The following LHX5 variants were observed in gnomAD, a reference collection of about 807,000 sequenced individuals.
LHX5 encodes the protein LIM homeobox 5.
Under a neutral mutation model 30.6 loss-of-function variants are expected in LHX5, and 5 were observed. That is an observed-to-expected ratio of 0.16 (90% CI 0.09 to 0.34). The LOEUF (loss-of-function observed/expected upper bound fraction) is 0.34, where lower values mean the gene tolerates loss of function less well. Among genes scored for constraint, LHX5 ranks in the 10% least tolerant of loss-of-function variants. The pLI is 1.00. For missense variants in LHX5, 458 were observed against 570.6 expected (o/e 0.80, Z 2.01); for synonymous variants, 266 against 252.6 (o/e 1.05, Z -0.50).
At position 113,463,636 on chromosome 12, in the gene LHX5, G is replaced by A. The variant is rs1391976868; in HGVS notation, c.842-79C>T. 7.1e-6 allele frequency: 10 copies of A among 1,410,518 alleles called. No homozygotes were observed. Among genetic ancestry groups the A allele is most frequent in the African/African-American group, 5.9e-5 (4 of 67,852 alleles). 87.4% of individuals were successfully genotyped at this position (1,410,518 alleles called of 1,614,324 possible). On this transcript the variant is annotated intron_variant, in intron 4 of 4. Coordinates refer to ENST00000261731, the MANE Select transcript of LHX5 (RefSeq NM_022363.3). The surrounding 1 kb of genome is among the most constrained non-coding windows in gnomAD (Gnocchi z 6.7). The stretch of plus-strand genomic sequence containing the variant: ...GCGGGGGACCCGGGACCCGGGGAGG[G>A]GACCCGGGCGGGCGAGAGAGGGGAG...
chr12:113,462,340 G>A lies in LHX5; in HGVS notation c.*850C>T, dbSNP rs1958178518. On this transcript the variant is annotated 3_prime_UTR_variant, in exon 5 of 5. Transcript: ENST00000261731. ...GCCCAGCCTCCAGGCCCTGGGCAGG[G>A]AGGGTGGTCTGTGGGTCTGAGCCCA... 1 of 152,250 alleles carries A rather than the reference G, an allele frequency of 6.6e-6. No homozygotes were observed. The highest frequency in any genetic ancestry group is 1.5e-5 in the Non-Finnish European group (1 of 68,060). The allele number at this position is 152,250 out of a possible 1,614,324, so 9.4% of individuals were successfully genotyped here.
chr12:113,462,924 A>G lies in LHX5; in HGVS notation c.*266T>C, dbSNP rs1958183741. On this transcript the variant is annotated 3_prime_UTR_variant, in exon 5 of 5. Coordinates refer to ENST00000261731, the MANE Select transcript of LHX5 (RefSeq NM_022363.3). Reference sequence around the variant, plus strand: ...AATCTCTTGACCCTCCGGAGTATTGACTTTGGTCCCAAGAAATTGCTCGCG... The same window carrying G: ...AATCTCTTGACCCTCCGGAGTATTGGCTTTGGTCCCAAGAAATTGCTCGCG... 10 of 391,910 alleles carry G rather than the reference A, an allele frequency of 2.6e-5. No individual in the cohort carries two copies. The allele number at this position is 391,910 out of a possible 1,614,324, so 24.3% of individuals were successfully genotyped here. A position where few individuals can be genotyped will look rare whatever the true frequency, so the allele number is the denominator to read the frequency against.
At position 113,469,166 on chromosome 12, in the gene LHX5, T is replaced by C; in HGVS notation, c.353A>G (p.Asp118Gly). 6.2e-7 allele frequency: 1 copy of C among 1,614,156 alleles called. No homozygotes were observed. The highest frequency in any genetic ancestry group is 8.5e-7 in the Non-Finnish European group (1 of 1,180,016). The change falls in exon 2 of 5, where the codon GAC (aspartate) becomes GGC (glycine). Residue 118 changes from aspartate (D) to glycine (G), a missense_variant. This residue lies in a region of LHX5 where 178 missense variants were observed against 238.5 expected (regional missense o/e 0.75). Coordinates refer to ENST00000261731, the MANE Select transcript of LHX5 (RefSeq NM_022363.3). ...CTTGAGGCTGGATGAGCTCAGGTAG[T>C]CGTCTTTGCACACGAACTTGTTCTC... ...IDENKFVCKD[D>G]YLSSSSLKEG...
Position 113,467,474 on chromosome 12 carries a change from C to A in LHX5, c.676-53G>T, listed in dbSNP as rs762518627. On this transcript the variant is annotated intron_variant, in intron 3 of 4. Coordinates refer to ENST00000261731, the MANE Select transcript of LHX5 (RefSeq NM_022363.3). This position sits in a 1 kb window ranked among gnomAD's most constrained non-coding sequence, Gnocchi z 6.3. The stretch of plus-strand genomic sequence containing the variant: ...CAGGATCAGGAGTGTCCTCTCCCCC[C>A]CTCTTCTCCCTTCCCTGACTGGGCT... 14 of 1,371,720 alleles carry A rather than the reference C, an allele frequency of 1.0e-5. No homozygotes were observed. The highest frequency in any genetic ancestry group is 2.0e-4 in the Middle Eastern group (1 of 5,118). 85.0% of individuals were successfully genotyped at this position (1,371,720 alleles called of 1,614,324 possible).
In LHX5 at chr12:113,465,628, C is replaced by A. The variant is rs1303562678; in HGVS notation, c.841+1628G>T. ...ATCCAGCTCCCCACCTCATCCAGCG[C>A]GCAGGGAGAGGAGGCGGTGGGATAG... is the stretch of plus-strand genomic sequence containing the variant. On this transcript the variant is annotated intron_variant, in intron 4 of 4. Transcript: ENST00000261731. The surrounding 1 kb of genome is among the most constrained non-coding windows in gnomAD (Gnocchi z 6.7). Among the ~76,000 whole-genome samples the A allele has an allele frequency of 2.0e-5, 3 of 152,192 alleles. No individual in the cohort carries two copies. Among genetic ancestry groups the A allele is most frequent in the African/African-American group, 7.2e-5 (3 of 41,440 alleles).
chr12:113,467,519 G>C lies in LHX5; in HGVS notation c.676-98C>G. 2 of 1,139,952 alleles carry C rather than the reference G, an allele frequency of 1.8e-6. No homozygotes were observed. Among genetic ancestry groups the C allele is most frequent in the Non-Finnish European group, 2.3e-6 (2 of 852,296 alleles). The allele number at this position is 1,139,952 out of a possible 1,614,324, so 70.6% of individuals were successfully genotyped here. A position where few individuals can be genotyped will look rare whatever the true frequency, so the allele number is the denominator to read the frequency against. On this transcript the variant is annotated intron_variant, in intron 3 of 4. Coordinates refer to ENST00000261731, the MANE Select transcript of LHX5 (RefSeq NM_022363.3). This position sits in a 1 kb window ranked among gnomAD's most constrained non-coding sequence, Gnocchi z 6.3. ...TGGGCTGCCCCTGCTGGGTCCTTGC[G>C]CCTCTTCCGCACCAGGACTCCCCCG...
chr12:113,466,003 G>C lies in LHX5; in HGVS notation c.841+1253C>G, dbSNP rs906761235. Among the ~76,000 whole-genome samples the C allele has an allele frequency of 6.6e-6, 1 of 152,144 alleles. No homozygotes were observed. The highest frequency in any genetic ancestry group is 6.5e-5 in the Admixed American group (1 of 15,278). The stretch of plus-strand genomic sequence containing the variant: ...TTTGCCCACAATTTCTAGGGGCCCC[G>C]GTCCGGTCTCAAGGTCTAATCCCCC... On this transcript the variant is annotated intron_variant, in intron 4 of 4. Transcript: ENST00000261731. The surrounding 1 kb of genome is among the most constrained non-coding windows in gnomAD (Gnocchi z 6.5).
chr12:113,464,480 C>A lies in LHX5; in HGVS notation c.842-923G>T, dbSNP rs1183239415. ...TGCGCCCTACCAACCCAGTCCAAGTCCTTCGCCTCGCCAAGTACGGCCGCC... is the reference window on the plus strand; with the variant it reads ...TGCGCCCTACCAACCCAGTCCAAGTACTTCGCCTCGCCAAGTACGGCCGCC... On this transcript the variant is annotated intron_variant, in intron 4 of 4. Coordinates refer to ENST00000261731, the MANE Select transcript of LHX5 (RefSeq NM_022363.3). The surrounding 1 kb of genome is among the most constrained non-coding windows in gnomAD (Gnocchi z 6.2). Among the ~76,000 whole-genome samples, 1 of 152,230 alleles carries A rather than the reference C, an allele frequency of 6.6e-6. No individual in the cohort carries two copies. Among genetic ancestry groups the A allele is most frequent in the Non-Finnish European group, 1.5e-5 (1 of 68,030 alleles).
In LHX5 at chr12:113,467,535, G is replaced by A; in HGVS notation, c.676-114C>T. 9.7e-7 allele frequency: 1 copy of A among 1,031,636 alleles called. No homozygotes were observed. 63.9% of individuals were successfully genotyped at this position (1,031,636 alleles called of 1,614,324 possible). A position where few individuals can be genotyped will look rare whatever the true frequency, so the allele number is the denominator to read the frequency against. On this transcript the variant is annotated intron_variant, in intron 3 of 4. Transcript: ENST00000261731. This position sits in a 1 kb window ranked among gnomAD's most constrained non-coding sequence, Gnocchi z 6.3. ...GGTCCTTGCGCCTCTTCCGCACCAG[G>A]ACTCCCCCGAGGCGGGGCCGGGCCG... is the stretch of plus-strand genomic sequence containing the variant.
chr12:113,465,281 A>C lies in LHX5; in HGVS notation c.842-1724T>G, dbSNP rs895487863. Among the ~76,000 whole-genome samples the C allele has an allele frequency of 1.3e-5, 2 of 152,212 alleles. No homozygotes were observed. Among genetic ancestry groups the C allele is most frequent in the Non-Finnish European group, 2.9e-5 (2 of 68,028 alleles). ...GCGGCAAATTTGGAGCCCCAAAGGGACAGGGATGGGAGACGGCCGCGGCCC... is the reference window on the plus strand; with the variant it reads ...GCGGCAAATTTGGAGCCCCAAAGGGCCAGGGATGGGAGACGGCCGCGGCCC... On this transcript the variant is annotated intron_variant, in intron 4 of 4. Transcript: ENST00000261731. The surrounding 1 kb of genome is among the most constrained non-coding windows in gnomAD (Gnocchi z 6.7).
Position 113,465,375 on chromosome 12 carries a change from G to T in LHX5, c.842-1818C>A, listed in dbSNP as rs540477692. Among the ~76,000 whole-genome samples the T allele has an allele frequency of 1.3e-5, 2 of 152,318 alleles. No individual in the cohort carries two copies. Among genetic ancestry groups the T allele is most frequent in the South Asian group, 4.1e-4 (2 of 4,830 alleles). On this transcript the variant is annotated intron_variant, in intron 4 of 4. Transcript: ENST00000261731. This position sits in a 1 kb window ranked among gnomAD's most constrained non-coding sequence, Gnocchi z 6.7. ...TGCGCGCCGCCTCCGCCCATATGGC[G>T]GCCGGGCCGGAGGTAATTGGAACAA... is the stretch of plus-strand genomic sequence containing the variant.
chr12:113,467,233 G>C lies in LHX5; in HGVS notation c.841+23C>G, dbSNP rs1306587603. On this transcript the variant is annotated intron_variant, in intron 4 of 4. Transcript: ENST00000261731. This position sits in a 1 kb window ranked among gnomAD's most constrained non-coding sequence, Gnocchi z 6.3. ...CCCGGAATAGGACAGGTGCGGAACAGCGAATCCCGGGGCGCCCCTTACCTC... is the reference window on the plus strand; with the variant it reads ...CCCGGAATAGGACAGGTGCGGAACACCGAATCCCGGGGCGCCCCTTACCTC... 2 of 1,426,118 alleles carry C rather than the reference G, an allele frequency of 1.4e-6. No individual in the cohort carries two copies. Among genetic ancestry groups the C allele is most frequent in the Non-Finnish European group, 1.9e-6 (2 of 1,078,204 alleles). The allele number at this position is 1,426,118 out of a possible 1,614,324, so 88.3% of individuals were successfully genotyped here.
At position 113,463,659 on chromosome 12, in the gene LHX5, G is replaced by T; in HGVS notation, c.842-102C>A. 7.8e-7 allele frequency: 1 copy of T among 1,283,872 alleles called. No individual in the cohort carries two copies. The highest frequency in any genetic ancestry group is 1.5e-5 in the South Asian group (1 of 65,192). The allele number at this position is 1,283,872 out of a possible 1,614,324, so 79.5% of individuals were successfully genotyped here. A position where few individuals can be genotyped will look rare whatever the true frequency, so the allele number is the denominator to read the frequency against. On this transcript the variant is annotated intron_variant, in intron 4 of 4. Coordinates refer to ENST00000261731, the MANE Select transcript of LHX5 (RefSeq NM_022363.3). The surrounding 1 kb of genome is among the most constrained non-coding windows in gnomAD (Gnocchi z 6.7). ...GGGGACCCGGGCGGGCGAGAGAGGGGAGCGCGCGACACCGACCCAAGGTTA... is the reference window on the plus strand; with the variant it reads ...GGGGACCCGGGCGGGCGAGAGAGGGTAGCGCGCGACACCGACCCAAGGTTA...
intron 3 of LHX5, 96 bp downstream of exon 3, chr12:113,468,031 G>T (rs1958225387): frequency 7.0e-7 from 1 of 1,427,324 alleles, no homozygotes; most frequent in Non-Finnish European, 9.2e-7. Context: ...AGAACCAGGC[G>T]CGCTCGTAGC....
In LHX5 at chr12:113,471,430, G is replaced by T. The variant is rs1029004690; in HGVS notation, c.69C>A (p.Arg23=). 1.2e-6 allele frequency: 2 copies of T among 1,612,988 alleles called. No individual in the cohort carries two copies. The change falls in exon 1 of 5, where the codon CGC becomes CGA. Residue 23 remains arginine (R), a synonymous_variant. Coordinates refer to ENST00000261731, the MANE Select transcript of LHX5 (RefSeq NM_022363.3). Reference sequence around the variant, plus strand: ...ACTGAACACATTTGATGTGCCACGCGCGGTCCAGCACGTTCAGCAGAAAGC... The same window carrying T: ...ACTGAACACATTTGATGTGCCACGCTCGGTCCAGCACGTTCAGCAGAAAGC... ...LDRFLLNVLD[R]AWHIKCVQCC...
At position 113,468,363 on chromosome 12, in the gene LHX5, C is replaced by T. The variant is rs993355015; in HGVS notation, c.439G>A (p.Asp147Asn). Residue 147 changes from aspartate (D) to asparagine (N), a missense_variant, in exon 3 of 5, where the codon GAC (aspartate) becomes AAC (asparagine). Physicochemically the swap from Asp to Asn is conservative, Grantham distance 23. Around this residue, in one of 3 missense-constraint regions of LHX5, gnomAD observed 178 missense variants for 238.5 expected, o/e 0.75. Coordinates refer to ENST00000261731, the MANE Select transcript of LHX5 (RefSeq NM_022363.3). The stretch of plus-strand genomic sequence containing the variant: ...TCTTTGGGGTCGTCCTGCAGTGCGT[C>T]CTGGAGGTCCGGGGACAAACTGCGG... Reference protein sequence around the residue: ...TDRSLSPDLQDALQDDPKETD... With the variant: ...TDRSLSPDLQNALQDDPKETD... 13 of 1,614,058 alleles carry T rather than the reference C, an allele frequency of 8.1e-6. No individual in the cohort carries two copies. Among genetic ancestry groups the T allele is most frequent in the Non-Finnish European group, 1.1e-5 (13 of 1,179,934 alleles).
rs1958222928 is a variant in LHX5, at chr12:113,467,603, C to T, written c.676-182G>A. On this transcript the variant is annotated intron_variant, in intron 3 of 4. Transcript: ENST00000261731. The surrounding 1 kb of genome is among the most constrained non-coding windows in gnomAD (Gnocchi z 6.3). ...TGGAGAGAGGCTTCGGCGAACCAGC[C>T]AAGGGTGAAGGATTTCGCGGACCCG... Among the ~76,000 whole-genome samples, 1 of 152,228 alleles carries T rather than the reference C, an allele frequency of 6.6e-6. No homozygotes were observed. Among genetic ancestry groups the T allele is most frequent in the Admixed American group, 6.5e-5 (1 of 15,288 alleles).
rs1293096940 is a variant in LHX5, at chr12:113,463,708, C to T, written c.842-151G>A. ...TAGAGAGACCTGCGGAGGCCGGCGC[C>T]CCTTGAGACGGTGGACGTCGCAGGC... On this transcript the variant is annotated intron_variant, in intron 4 of 4. Coordinates refer to ENST00000261731, the MANE Select transcript of LHX5 (RefSeq NM_022363.3). This position sits in a 1 kb window ranked among gnomAD's most constrained non-coding sequence, Gnocchi z 6.7. The T allele has an allele frequency of 1.2e-5, 9 of 772,820 alleles. No homozygotes were observed. Among genetic ancestry groups the T allele is most frequent in the African/African-American group, 1.8e-5 (1 of 54,872 alleles). 47.9% of individuals were successfully genotyped at this position (772,820 alleles called of 1,614,324 possible).
Position 113,463,535 on chromosome 12 carries a change from C to A in LHX5, c.864G>T (p.Ala288=), listed in dbSNP as rs975740577. 1.9e-6 allele frequency: 3 copies of A among 1,553,460 alleles called. No individual in the cohort carries two copies. The highest frequency in any genetic ancestry group is 1.4e-5 in the African/African-American group (1 of 72,570). ...CGAAGAAGTCGTAGTTGCTTCCCGG[C>A]GCGTAGTAGTCGCCTTGGTAGTCTG... ...YYGDYQGDYY[A]PGSNYDFFAH... The change falls in exon 5 of 5, where the codon GCG becomes GCT. Residue 288 remains alanine, a synonymous_variant. Transcript: ENST00000261731. The surrounding 1 kb of genome is among the most constrained non-coding windows in gnomAD (Gnocchi z 6.7).
Sources: gnomAD v4.1 joint callset for allele counts (sites outside exome capture counted in the v4.1 genomes callset) on GRCh38, gnomAD v4.1.1 for gene constraint, gnomAD v4.1.1 regional missense constraint, Gnocchi (gnomAD v3.1) non-coding constraint, MANE v1.5 for transcripts, NCBI Gene and HGNC (gene_info 2026-07-23, HGNC 2026-07-21) for gene names.